The following KCNH8 variants were observed in gnomAD, a reference collection of about 807,000 sequenced individuals.
KCNH8 encodes the protein potassium voltage-gated channel subfamily H member 8, also known as voltage-gated delayed rectifier potassium channel KCNH8.
Under a neutral mutation model 103.6 loss-of-function variants are expected in KCNH8, and 70 were observed. The ratio of observed to expected loss-of-function variants is 0.68; its 90% CI spans 0.56 to 0.82. KCNH8 has a LOEUF of 0.82. KCNH8 is among the 40% of genes least tolerant of loss of function. The pLI is 0.00. For missense variants in KCNH8, 1,217 were observed against 1,329.9 expected (o/e 0.92, Z 1.32); for synonymous variants, 498 against 489.4 (o/e 1.02, Z -0.23).
intron 3 of KCNH8, among the ~76,000 whole-genome samples, chr3:19,314,048 G>T (rs552000939): frequency 6.6e-6 from 1 of 151,696 alleles, no homozygotes; most frequent in Non-Finnish European, 1.5e-5. Context: ...TAAAAACCTA[G>T]AATCAATTAT....
At chr3:19,350,203 G>T (rs911148814) in intron 5 of KCNH8, among the ~76,000 whole-genome samples, 1 of 151,944 alleles carries the variant, frequency 6.6e-6, no homozygotes, top group Non-Finnish European at 1.5e-5. Flanking sequence ...TTTCAAAAAG[G>T]TGGCCTAAAA....
intron 2 of KCNH8, among the ~76,000 whole-genome samples, chr3:19,278,201 G>A (rs1009313943): frequency 5.6e-4 from 85 of 152,210 alleles, no homozygotes; most frequent in African/African-American, 2.0e-3. Flanking sequence ...GGATAAGCGA[G>A]CATGCTAAGT....
chr3:19,403,334 T>TC (rs1237186775), intron 7 of KCNH8, among the ~76,000 whole-genome samples: 7 of 139,872 alleles, frequency 5.0e-5, no homozygotes, highest in African/African-American at 1.0e-4. Context: ...TTTCTTCTGT[T>TC]CCCCCCCATG....
intron 5 of KCNH8, among the ~76,000 whole-genome samples, chr3:19,352,608 C>G (rs1326270018): frequency 6.6e-6 from 1 of 152,186 alleles, no homozygotes; most frequent in Non-Finnish European, 1.5e-5. Flanking sequence ...TACATGGAAA[C>G]TGAACAATGT....
Position 19,297,207 on chromosome 3 carries a change from A to G in KCNH8, c.442+15878A>G, listed in dbSNP as rs189992258. ...AAGAATAGGGCAAAGCTCTTATCAC[A>G]TTGGAACACATTTTTGAGAAGCAGC... On this transcript the variant is annotated intron_variant, in intron 3 of 15. Coordinates refer to ENST00000328405, the MANE Select transcript of KCNH8 (RefSeq NM_144633.3). 4.1e-3 allele frequency among the ~76,000 whole-genome samples: 629 copies of G among 152,300 alleles called. 5 individuals carry two copies. The highest frequency in any genetic ancestry group is 6.3e-3 in the Non-Finnish European group (428 of 68,026).
intron 5 of KCNH8, among the ~76,000 whole-genome samples, chr3:19,375,443 G>A (rs990818110): frequency 1.3e-5 from 2 of 151,062 alleles, no homozygotes; most frequent in African/African-American, 4.9e-5. Flanking sequence ...TCAAGCCTTG[G>A]TTTTCAGCTC....
chr3:19,310,800 T>C (rs947564994), intron 3 of KCNH8, among the ~76,000 whole-genome samples: 2 of 151,782 alleles, frequency 1.3e-5, no homozygotes, highest in Admixed American at 1.3e-4. Flanking sequence ...AACAGGAGAT[T>C]ATAACTATTC....
At chr3:19,343,999 T>TTG (rs58735409) in intron 4 of KCNH8, among the ~76,000 whole-genome samples, 2 of 151,354 alleles carry the variant, frequency 1.3e-5, no homozygotes, top group Admixed American at 6.6e-5. Flanking sequence ...TTTTTTTTTT[T>TTG]GGTCCTAATT....
intron 2 of KCNH8, among the ~76,000 whole-genome samples, chr3:19,260,487 GAT>G (rs57661437): frequency 0.08 from 3,161 of 39,468 alleles, 122 homozygotes; most frequent in South Asian, 0.12. Flanking sequence ...TACTCTATAG[GAT>G]ATATATATAT....
chr3:19,470,707 A>G (rs1233986940), intron 11 of KCNH8, among the ~76,000 whole-genome samples: 6 of 152,226 alleles, frequency 3.9e-5, no homozygotes, highest in Non-Finnish European at 8.8e-5. Context: ...GAGGGTGGGT[A>G]GGCAGAGGTA....
In KCNH8 at chr3:19,209,577, C is replaced by A. The variant is rs893623711; in HGVS notation, c.77-44077C>A. Among the ~76,000 whole-genome samples the A allele has an allele frequency of 1.1e-4, 16 of 152,166 alleles. 1 individual carries two copies. The highest frequency in any genetic ancestry group is 2.1e-4 in the Non-Finnish European group (14 of 67,964). On this transcript the variant is annotated intron_variant, in intron 1 of 15. Coordinates refer to ENST00000328405, the MANE Select transcript of KCNH8 (RefSeq NM_144633.3). ...AAAGCATTCAAACCAGTCATGTAGA[C>A]TACCTTAAATTATCCAAGATATTTG...
At chr3:19,514,855 A>G (rs2125243860) in intron 13 of KCNH8, among the ~76,000 whole-genome samples, 1 of 152,060 alleles carries the variant, frequency 6.6e-6, no homozygotes, top group East Asian at 1.9e-4. Context: ...TGAATCTGAG[A>G]ATAAGTAAAA....
chr3:19,467,869 T>C (rs1052935610), intron 11 of KCNH8, among the ~76,000 whole-genome samples: 6 of 152,200 alleles, frequency 3.9e-5, no homozygotes, highest in African/African-American at 1.2e-4. Context: ...AGTCATCTGA[T>C]GCCATCTTGC....
At chr3:19,467,026 C>CT (rs1291725796) in intron 11 of KCNH8, among the ~76,000 whole-genome samples, 1 of 146,092 alleles carries the variant, frequency 6.8e-6, no homozygotes, top group East Asian at 1.9e-4. Context: ...TTAATGCACA[C>CT]TTAATAGACT....
At chr3:19,507,323 A>G (rs1162749074) in intron 11 of KCNH8, among the ~76,000 whole-genome samples, 1 of 152,088 alleles carries the variant, frequency 6.6e-6, no homozygotes, top group South Asian at 2.1e-4. Context: ...CCACCAGGGA[A>G]CCTCAGAGCC....
intron 5 of KCNH8, among the ~76,000 whole-genome samples, chr3:19,376,212 G>C (rs979037330): frequency 2.0e-5 from 3 of 152,200 alleles, no homozygotes; most frequent in Non-Finnish European, 4.4e-5. Context: ...CTGCCGCCTT[G>C]CAGTTTGATC....
At chr3:19,398,950 C>T (rs566488825) in intron 7 of KCNH8, among the ~76,000 whole-genome samples, 26 of 152,072 alleles carry the variant, frequency 1.7e-4, no homozygotes, top group African/African-American at 5.5e-4. Context: ...AAATTATATG[C>T]TTTTGCATAT....
Position 19,345,222 on chromosome 3 carries a change from T to C in KCNH8, c.571-2503T>C, listed in dbSNP as rs566908245. On this transcript the variant is annotated intron_variant, in intron 4 of 15. Coordinates refer to ENST00000328405, the MANE Select transcript of KCNH8 (RefSeq NM_144633.3). ...CACAAAGAAATATTAAAGATCACAC[T>C]AGAGCCTTGAAAACTTGAAAGGAGA... is the stretch of plus-strand genomic sequence containing the variant. 5.3e-5 allele frequency among the ~76,000 whole-genome samples: 8 copies of C among 152,208 alleles called. No individual in the cohort carries two copies. In the South Asian group the frequency reaches 1.2e-3, roughly 24 times the overall value.
Position 19,159,466 on chromosome 3 carries a change from C to T in KCNH8, c.76+10671C>T, listed in dbSNP as rs76614133. Among the ~76,000 whole-genome samples the T allele has an allele frequency of 7.2e-3, 1,096 of 151,912 alleles. 30 individuals carry two copies. The highest frequency in any genetic ancestry group is 0.067 in the East Asian group (348 of 5,174). On this transcript the variant is annotated intron_variant, in intron 1 of 15. Coordinates refer to ENST00000328405, the MANE Select transcript of KCNH8 (RefSeq NM_144633.3). ...GGAAACTACACACCCATATTTGTGC[C>T]GATTACAAGGTGGTCCCACCTGGTT...
Sources: allele counts gnomAD v4.1 joint callset (sites outside exome capture counted in the v4.1 genomes callset), GRCh38; gene constraint gnomAD v4.1.1; transcripts MANE v1.5; gene names NCBI Gene and HGNC (gene_info 2026-07-23, HGNC 2026-07-21).